Variants in NKAIN3 observed in about 807,000 individuals in gnomAD.
The protein encoded by NKAIN3 is sodium/potassium transporting ATPase interacting 3.
NKAIN3 carries 25 observed loss-of-function variants against 30.2 expected under a neutral mutation model. The observed-to-expected ratio is 0.83, with a 90% CI of 0.60 to 1.16. The LOEUF is 1.16. NKAIN3 is among the 50% of genes most tolerant of loss of function. The pLI, the probability that NKAIN3 is intolerant of heterozygous loss-of-function variation, is 0.00. For missense variants in NKAIN3, 225 were observed against 254.1 expected, an observed-to-expected ratio of 0.89 and a Z score of 0.78; for synonymous variants, 91 against 89.6, an observed-to-expected ratio of 1.02 and a Z score of -0.09.
Position 62,992,049 on chromosome 8 carries a change from C to T in NKAIN3, c.533-7182C>T, listed in dbSNP as rs567715091. Among the ~76,000 whole-genome samples, 24 of 151,570 alleles carry T rather than the reference C, an allele frequency of 1.6e-4. No individual in the cohort carries two copies. In the South Asian group the frequency reaches 3.1e-3, roughly 20 times the overall value. On this transcript the variant is annotated intron_variant, in intron 5 of 5. Transcript: ENST00000519049. ...TTTTTTTTTCTTTTAGACAGAGTCT[C>T]GCTTTGTCGTCCAGGCTGCAGTGCA...
chr8:62,274,915 G>A (rs1348313660), intron 1 of NKAIN3, among the ~76,000 whole-genome samples: 1 of 152,094 alleles, frequency 6.6e-6, no homozygotes, highest in African/African-American at 2.4e-5. Context: ...TCCCTACAAA[G>A]GACATGAACT....
intron 1 of NKAIN3, among the ~76,000 whole-genome samples, chr8:62,528,315 A>ATATATTATATAATATATG (rs1453922120): frequency 1.1e-5 from 1 of 89,952 alleles, no homozygotes; most frequent in Non-Finnish European, 2.1e-5. Flanking sequence ...TTATATATAT[A>ATATATTATATAATATATG]TATTATATAA....
chr8:62,647,434 G>A (rs1812498464), intron 3 of NKAIN3, among the ~76,000 whole-genome samples: 1 of 152,152 alleles, frequency 6.6e-6, no homozygotes, highest in African/African-American at 2.4e-5. Flanking sequence ...AGACGGAAAG[G>A]AGAATTCAAC....
chr8:62,820,744 A>G (rs1818823469), intron 4 of NKAIN3, among the ~76,000 whole-genome samples: 1 of 152,204 alleles, frequency 6.6e-6, no homozygotes, highest in South Asian at 2.1e-4. Context: ...TTTCAGAAAA[A>G]CTTCTTGGAG....
At chr8:62,925,100 C>A (rs1229267977) in intron 5 of NKAIN3, among the ~76,000 whole-genome samples, 1 of 152,082 alleles carries the variant, frequency 6.6e-6, no homozygotes, top group Non-Finnish European at 1.5e-5. Context: ...TCACAAACAC[C>A]CTCTTCTCCA....
intron 1 of NKAIN3, among the ~76,000 whole-genome samples, chr8:62,274,552 T>A (rs1812872717): frequency 6.6e-6 from 1 of 152,198 alleles, no homozygotes; most frequent in Non-Finnish European, 1.5e-5. Flanking sequence ...AAATTTCTAA[T>A]ACATTTTCTT....
chr8:62,933,348 G>A (rs989498167), intron 5 of NKAIN3, among the ~76,000 whole-genome samples: 1 of 152,122 alleles, frequency 6.6e-6, no homozygotes, highest in Non-Finnish European at 1.5e-5. Flanking sequence ...GAATTATGAA[G>A]AGACTTCAAT....
At chr8:62,864,513 A>G (rs1820360655) in intron 4 of NKAIN3, among the ~76,000 whole-genome samples, 1 of 152,202 alleles carries the variant, frequency 6.6e-6, no homozygotes, top group South Asian at 2.1e-4. Context: ...CAAATGCAGA[A>G]AGTGATTACA....
chr8:62,533,555 A>G (rs1168363035), intron 1 of NKAIN3, among the ~76,000 whole-genome samples: 1 of 152,232 alleles, frequency 6.6e-6, no homozygotes, highest in East Asian at 1.9e-4. Context: ...AAGAACATGA[A>G]TTACATTTGG....
chr8:62,304,475 A>C (rs1003093626), intron 1 of NKAIN3, among the ~76,000 whole-genome samples: 1 of 150,488 alleles, frequency 6.6e-6, no homozygotes, highest in African/African-American at 2.5e-5. Context: ...TGGGGGAATA[A>C]TGTGATATTT....
chr8:62,651,537 T>A (rs1812617605), intron 3 of NKAIN3, among the ~76,000 whole-genome samples: 1 of 152,214 alleles, frequency 6.6e-6, no homozygotes, highest in African/African-American at 2.4e-5. Context: ...TCCCACTGTT[T>A]TAGAGGCTTG....
intron 4 of NKAIN3, among the ~76,000 whole-genome samples, chr8:62,760,341 G>T (rs184194608): frequency 2.0e-5 from 3 of 152,110 alleles, no homozygotes; most frequent in Non-Finnish European, 4.4e-5. Context: ...GTTTATTGCA[G>T]CACTATTCAC....
At chr8:62,534,874 TC>T (rs1808605297) in intron 1 of NKAIN3, among the ~76,000 whole-genome samples, 1 of 151,338 alleles carries the variant, frequency 6.6e-6, no homozygotes, top group Non-Finnish European at 1.5e-5. Context: ...TTTTTTTTTT[TC>T]GTATAGTTTC....
intron 5 of NKAIN3, among the ~76,000 whole-genome samples, chr8:62,939,720 T>C (rs1443155037): frequency 6.6e-6 from 1 of 152,072 alleles, no homozygotes; most frequent in East Asian, 1.9e-4. Context: ...AATTTGCCAC[T>C]ACCCAGCCAG....
chr8:62,372,633 T>G (rs1032790703), intron 1 of NKAIN3, among the ~76,000 whole-genome samples: 5 of 152,036 alleles, frequency 3.3e-5, no homozygotes, highest in African/African-American at 1.2e-4. Flanking sequence ...AATTTAAAAT[T>G]TATATACTTG....
intron 1 of NKAIN3, among the ~76,000 whole-genome samples, chr8:62,325,186 G>A (rs773942179): frequency 1.3e-5 from 2 of 151,970 alleles, no homozygotes; most frequent in Non-Finnish European, 2.9e-5. Context: ...TTATGCCTTT[G>A]CATCCTCATA....
At chr8:62,319,032 A>T (rs1188428828) in intron 1 of NKAIN3, among the ~76,000 whole-genome samples, 1 of 152,096 alleles carries the variant, frequency 6.6e-6, no homozygotes, top group Admixed American at 6.5e-5. Flanking sequence ...GTCTATTCAG[A>T]GATTCAGCTT....
intron 3 of NKAIN3, among the ~76,000 whole-genome samples, chr8:62,664,946 C>T (rs1466184773): frequency 2.0e-5 from 3 of 152,178 alleles, no homozygotes; most frequent in Admixed American, 1.3e-4. Flanking sequence ...CATCCAAAAC[C>T]TCTATTTCCA....
intron 1 of NKAIN3, among the ~76,000 whole-genome samples, chr8:62,399,282 G>T (rs777780632): frequency 6.6e-6 from 1 of 152,160 alleles, no homozygotes; most frequent in Non-Finnish European, 1.5e-5. Flanking sequence ...GAGGCGGGTA[G>T]ATCGCTTGAG....
Sources: allele counts gnomAD v4.1 joint callset (sites outside exome capture counted in the v4.1 genomes callset), GRCh38; gene constraint gnomAD v4.1.1; transcripts MANE v1.5; gene names NCBI Gene and HGNC (gene_info 2026-07-23, HGNC 2026-07-21).